MYO6: variants seen among roughly 807,000 people sequenced by gnomAD.
MYO6 encodes unconventional myosin-VI.
A neutral mutation model predicts 178.7 loss-of-function variants in MYO6; 74 were observed. That is an observed-to-expected ratio of 0.41 (90% CI 0.34 to 0.50). MYO6 has a LOEUF of 0.50. MYO6 is among the 20% of genes least tolerant of loss of function. The probability of loss-of-function intolerance (pLI) is 0.09; values close to 1 mark genes in which losing one functional copy is unlikely to be tolerated. For synonymous variants in MYO6, 477 were observed against 504.6 expected (o/e 0.95, Z 0.73); for missense variants, 1,330 against 1,547.4 (o/e 0.86, Z 2.36).
intron 19 of MYO6, 132 bp downstream of exon 19, chr6:75,870,817 ATTAGT>A: frequency 1.4e-6 from 1 of 709,294 alleles, no homozygotes; most frequent in Non-Finnish European, 2.2e-6. Context: ...ATTTTAAAAA[ATTAGT>A]TTTTTTTCTG....
intron 25 of MYO6, 131 bp downstream of exon 25, chr6:75,887,125 C>G (rs1375108842): frequency 1.6e-5 from 13 of 792,576 alleles, no homozygotes; most frequent in Non-Finnish European, 2.0e-5. Flanking sequence ...TCAATGATGG[C>G]AAGTACATGC....
chr6:75,792,441 A>G (rs1378842332), intron 1 of MYO6, among the ~76,000 whole-genome samples: 1 of 152,208 alleles, frequency 6.6e-6, no homozygotes, highest in Non-Finnish European at 1.5e-5. Context: ...GTGCCATGGA[A>G]ACTAAAGATC....
intron 1 of MYO6, among the ~76,000 whole-genome samples, chr6:75,775,421 T>A (rs1377650760): frequency 1.3e-5 from 2 of 152,204 alleles, no homozygotes; most frequent in Non-Finnish European, 2.9e-5. Context: ...TCTGGATGCT[T>A]CAAATGAGAT....
Position 75,908,492 on chromosome 6 carries a change from A to G in MYO6, c.3281-4A>G, listed in dbSNP as rs771796714. ...TTTTTTTTTTTGCTCAATGTAATCA[A>G]TAGATATTGAGCTCCTGGCAGCTTG... On this transcript the variant is annotated splice_polypyrimidine_tract_variant and splice_region_variant and intron_variant, in intron 31 of 34. Coordinates refer to ENST00000369977, the MANE Select transcript of MYO6 (RefSeq NM_004999.4). 5.6e-6 allele frequency: 9 copies of G among 1,613,068 alleles called. No homozygotes were observed. Among genetic ancestry groups the G allele is most frequent in the Admixed American group, 3.3e-5 (2 of 59,962 alleles).
intron 16 of MYO6, among the ~76,000 whole-genome samples, chr6:75,865,027 G>C (rs1776530669): frequency 6.6e-6 from 1 of 152,128 alleles, no homozygotes; most frequent in Admixed American, 6.5e-5. Context: ...GCCTCCCACA[G>C]GGAACAGCCT....
At chr6:75,864,031 C>T (rs2149302856) in intron 16 of MYO6, among the ~76,000 whole-genome samples, 1 of 152,166 alleles carries the variant, frequency 6.6e-6, no homozygotes, top group South Asian at 2.1e-4. Context: ...GTTTCGACCA[C>T]AAAGATAGTT....
chr6:75,866,732 A>C, intron 17 of MYO6, 111 bp downstream of exon 17: 1 of 1,162,716 alleles, frequency 8.6e-7, no homozygotes, highest in Non-Finnish European at 1.3e-6. Context: ...TATTTAAATT[A>C]AGTAAAATTA....
chr6:75,813,179 G>A (rs1367538742), intron 1 of MYO6, among the ~76,000 whole-genome samples: 1 of 152,152 alleles, frequency 6.6e-6, no homozygotes, highest in Non-Finnish European at 1.5e-5. Context: ...GGCAGGGCCT[G>A]GAATCAAGAA....
intron 5 of MYO6, among the ~76,000 whole-genome samples, chr6:75,831,734 A>C (rs571960785): frequency 9.2e-5 from 14 of 152,102 alleles, no homozygotes; most frequent in African/African-American, 3.1e-4. Flanking sequence ...TCTATAAAAA[A>C]AATGAAAAAA....
intron 5 of MYO6, among the ~76,000 whole-genome samples, chr6:75,830,794 C>T (rs367889896): frequency 6.6e-6 from 1 of 152,166 alleles, no homozygotes; most frequent in East Asian, 1.9e-4. Context: ...CCTGTGTCCT[C>T]TAAGAGATGT....
At chr6:75,770,610 G>A (rs1052865146) in intron 1 of MYO6, among the ~76,000 whole-genome samples, 1 of 152,116 alleles carries the variant, frequency 6.6e-6, no homozygotes, top group Non-Finnish European at 1.5e-5. Flanking sequence ...CTGAGTAGCC[G>A]GGATTACAAG....
At chr6:75,764,107 A>T (rs953937708) in intron 1 of MYO6, among the ~76,000 whole-genome samples, 1 of 152,052 alleles carries the variant, frequency 6.6e-6, no homozygotes, top group Non-Finnish European at 1.5e-5. Flanking sequence ...CTGCATTCGT[A>T]CCATTATAGA....
chr6:75,866,911 C>T, intron 17 of MYO6, 21 bp from the exon 18 acceptor site: 3 of 1,611,164 alleles, frequency 1.9e-6, no homozygotes, highest in Non-Finnish European at 2.5e-6. Context: ...CAGAAACATT[C>T]CTGTTTGATT....
rs1488197645 is a variant in MYO6, at chr6:75,830,402, CT to C, written c.262-10del. On this transcript the variant is annotated splice_polypyrimidine_tract_variant and intron_variant, in intron 4 of 34. Coordinates refer to ENST00000369977, the MANE Select transcript of MYO6 (RefSeq NM_004999.4). ...GTAATTGGAATATTTTATGTTTATGCTTTTCGTATTTAGACATATGTCGCCA... is the reference window on the plus strand; with the variant it reads ...GTAATTGGAATATTTTATGTTTATGCTTTCGTATTTAGACATATGTCGCCA... 1 of 1,605,336 alleles carries C rather than the reference CT, an allele frequency of 6.2e-7. No individual in the cohort carries two copies. Among genetic ancestry groups the C allele is most frequent in the Non-Finnish European group, 8.5e-7 (1 of 1,172,810 alleles).
chr6:75,854,781 T>G (rs750097005), intron 11 of MYO6, among the ~76,000 whole-genome samples: 1 of 152,160 alleles, frequency 6.6e-6, no homozygotes, highest in Non-Finnish European at 1.5e-5. Context: ...TTTCTTGAAG[T>G]CATATGAATT....
chr6:75,902,893 T>C (rs1466007811), intron 30 of MYO6, among the ~76,000 whole-genome samples: 1 of 152,042 alleles, frequency 6.6e-6, no homozygotes, highest in African/African-American at 2.4e-5. Flanking sequence ...ACACACTGCG[T>C]TGAATGCGTC....
chr6:75,881,805 C>T lies in MYO6; in HGVS notation c.2403C>T (p.Leu801=). ...SRWKKVQWCS[L]SVIKLKNKIK... The stretch of plus-strand genomic sequence containing the variant: ...GGAAGAAAGTTCAGTGGTGCTCACT[C>T]TCAGTCATCAAATGTAGGTGTTTTC... The change falls in exon 23 of 35, where the codon CTC becomes CTT. Residue 801 remains leucine, a synonymous_variant. Coordinates refer to ENST00000369977, the MANE Select transcript of MYO6 (RefSeq NM_004999.4). 1 of 1,613,838 alleles carries T rather than the reference C, an allele frequency of 6.2e-7. No individual in the cohort carries two copies. The highest frequency in any genetic ancestry group is 1.1e-5 in the South Asian group (1 of 91,074).
At chr6:75,753,455 G>GTGTA (rs370647728) in intron 1 of MYO6, among the ~76,000 whole-genome samples, 1,690 of 140,008 alleles carry the variant, frequency 0.012, 35 homozygotes, top group African/African-American at 0.041. Context: ...GTGTGTGTGT[G>GTGTA]TATATATATA....
chr6:75,840,525 G>C (rs541743209), intron 7 of MYO6, 60 bp from the exon 8 acceptor site: 32 of 1,051,876 alleles, frequency 3.0e-5, no homozygotes, highest in Non-Finnish European at 4.8e-5. Context: ...GATATACCAT[G>C]CATATTTTGT....
Sources: allele counts gnomAD v4.1 joint callset (sites outside exome capture counted in the v4.1 genomes callset), GRCh38; gene constraint gnomAD v4.1.1; transcripts MANE v1.5; gene names NCBI Gene and HGNC (gene_info 2026-07-23, HGNC 2026-07-21).